PPDPFL: variants seen among roughly 807,000 people sequenced by gnomAD.
PPDPFL encodes the protein pancreatic progenitor cell differentiation and proliferation factor like, also known as pancreatic progenitor cell differentiation and proliferation factor-like protein.
PPDPFL carries 12 observed loss-of-function variants against 12.6 expected under a neutral mutation model. The observed-to-expected ratio is 0.95, with a 90% CI of 0.61 to 1.54. The LOEUF (loss-of-function observed/expected upper bound fraction) is 1.54, where lower values mean the gene tolerates loss of function less well. PPDPFL is among the 40% of genes most tolerant of loss of function. The probability of loss-of-function intolerance (pLI) is 0.00; values close to 1 mark genes in which losing one functional copy is unlikely to be tolerated. For synonymous variants in PPDPFL, 24 were observed against 32.7 expected (o/e 0.73, Z 0.91); for missense variants, 114 against 96.0 (o/e 1.19, Z -0.78).
chr8:49,067,303 A>T (rs775998564), intron 1 of PPDPFL, among the ~76,000 whole-genome samples: 1 of 152,234 alleles, frequency 6.6e-6, no homozygotes, highest in Non-Finnish European at 1.5e-5. Context: ...TTTATAGAGT[A>T]CATGCTACAC....
chr8:49,059,673 A>G (rs567691273), intron 1 of PPDPFL, among the ~76,000 whole-genome samples: 20 of 152,210 alleles, frequency 1.3e-4, no homozygotes, highest in Non-Finnish European at 2.6e-4. Context: ...ATATATAGTA[A>G]TAATACTTTA....
rs1808197195 is a variant in PPDPFL, at chr8:49,061,234, T to A, written c.-45+6865T>A. Among the ~76,000 whole-genome samples the A allele has an allele frequency of 2.0e-5, 3 of 152,274 alleles. No individual in the cohort carries two copies. In the South Asian group the frequency reaches 6.2e-4, roughly 32 times the overall value. ...TTTTAAAGAGGTAATTACATTAAAA[T>A]GAGCTTATTAGGGTGGGCTCCAATG... On this transcript the variant is annotated intron_variant, in intron 1 of 4. Transcript: ENST00000517663.
chr8:49,073,387 G>A (rs965655754), intron 2 of PPDPFL, among the ~76,000 whole-genome samples: 1 of 152,128 alleles, frequency 6.6e-6, no homozygotes, highest in Admixed American at 6.5e-5. Context: ...AGAGAAGATT[G>A]AGAAATTTCA....
At chr8:49,068,777 T>A (rs529791239), upstream of PPDPFL, among the ~76,000 whole-genome samples, 49 of 152,298 alleles carry the variant, frequency 3.2e-4, no homozygotes, top group Admixed American at 2.2e-3. Context: ...ATAAATTAAC[T>A]AAATTTACAT....
At chr8:49,069,434 G>A (rs572175458), upstream of PPDPFL, among the ~76,000 whole-genome samples, 10 of 152,304 alleles carry the variant, frequency 6.6e-5, no homozygotes, top group African/African-American at 2.2e-4. Flanking sequence ...ATTATCTCAT[G>A]ACAAGGCAGA....
chr8:49,059,415 A>C (rs539121069), intron 1 of PPDPFL, among the ~76,000 whole-genome samples: 129 of 152,320 alleles, frequency 8.5e-4, no homozygotes, highest in African/African-American at 3.0e-3. Flanking sequence ...ACTTATACAC[A>C]TTCACCAATA....
intron 1 of PPDPFL, among the ~76,000 whole-genome samples, chr8:49,059,229 TTGTGGTGTGGTGTGG>T (rs1294901901): frequency 6.6e-6 from 1 of 152,024 alleles, no homozygotes; most frequent in African/African-American, 2.4e-5. Context: ...ATGTGGTGTG[TTGTGGTGTGGTGTGG>T]TGTGGGGTTG....
chr8:49,057,256 A>G (rs1808124940), intron 1 of PPDPFL, among the ~76,000 whole-genome samples: 3 of 152,178 alleles, frequency 2.0e-5, no homozygotes, highest in African/African-American at 4.8e-5. Flanking sequence ...TGAAATATTT[A>G]TCAACATTTT....
At chr8:49,059,607 A>G (rs1808164666) in intron 1 of PPDPFL, among the ~76,000 whole-genome samples, 4 of 152,212 alleles carry the variant, frequency 2.6e-5, no homozygotes, top group Admixed American at 2.6e-4. Flanking sequence ...CTCTGTAATT[A>G]CCTAAAATTC....
chr8:49,067,398 T>G (rs1808316177), upstream of PPDPFL, among the ~76,000 whole-genome samples: 1 of 152,230 alleles, frequency 6.6e-6, no homozygotes, highest in African/African-American at 2.4e-5. Context: ...CATGACACAC[T>G]TAAAATTCTT....
At chr8:49,060,159 C>G (rs112048259) in intron 1 of PPDPFL, among the ~76,000 whole-genome samples, 10 of 152,122 alleles carry the variant, frequency 6.6e-5, no homozygotes, top group Non-Finnish European at 1.5e-4. Flanking sequence ...GTGTAGGTCT[C>G]AGATTTCAAA....
chr8:49,074,502 C>T (rs755453216), intron 4 of PPDPFL, 169 bp downstream of exon 4: 10 of 1,538,150 alleles, frequency 6.5e-6, no homozygotes, highest in Admixed American at 2.0e-5. Context: ...AGAGCTCCCT[C>T]CTTGCAGGTC....
chr8:49,073,237 T>C (rs1808425091), intron 2 of PPDPFL, among the ~76,000 whole-genome samples: 1 of 152,236 alleles, frequency 6.6e-6, no homozygotes, highest in Non-Finnish European at 1.5e-5. Context: ...AAAGAAAAGA[T>C]AGCATGACTT....
rs1808484266 is a variant in PPDPFL, at chr8:49,075,603, T to G, written c.*430T>G. ...TTAAAAAAACTTAAGTTAGACTCTT[T>G]TTCTGTCTGTTGAGTGATTTATTTA... On this transcript the variant is annotated 3_prime_UTR_variant, in exon 5 of 5. Coordinates refer to ENST00000522267, the MANE Select transcript of PPDPFL (RefSeq NM_001256597.2). 1 of 276,810 alleles carries G rather than the reference T, an allele frequency of 3.6e-6. No individual in the cohort carries two copies. Among genetic ancestry groups the G allele is most frequent in the East Asian group, 7.5e-5 (1 of 13,298 alleles). 17.1% of individuals were successfully genotyped at this position (276,810 alleles called of 1,614,324 possible). A position where few individuals can be genotyped will look rare whatever the true frequency, so the allele number is the denominator to read the frequency against.
intron 1 of PPDPFL, among the ~76,000 whole-genome samples, chr8:49,064,870 A>G (rs541644083): frequency 6.6e-6 from 1 of 152,336 alleles, no homozygotes; most frequent in East Asian, 1.9e-4. Flanking sequence ...TCGATCTGAC[A>G]TGAAAAGCAA....
intron 1 of PPDPFL, among the ~76,000 whole-genome samples, chr8:49,064,289 C>T (rs984781799): frequency 6.6e-6 from 1 of 152,086 alleles, no homozygotes; most frequent in Admixed American, 6.5e-5. Flanking sequence ...AGATATGGGT[C>T]GGTCCTCTGG....
intron 4 of PPDPFL, 196 bp downstream of exon 4, chr8:49,074,529 T>C (rs1448128376): frequency 2.0e-6 from 3 of 1,537,212 alleles, no homozygotes; most frequent in South Asian, 2.4e-5. Context: ...AGGAAGATCA[T>C]AGCACCCTTT....
chr8:49,061,384 TCTC>T (rs1808199833), intron 1 of PPDPFL, among the ~76,000 whole-genome samples: 3 of 152,042 alleles, frequency 2.0e-5, no homozygotes, highest in Admixed American at 1.3e-4. Context: ...ATCTAGGACT[TCTC>T]CTTCCAGAAC....
At chr8:49,073,542 A>AC (rs755899804) in intron 2 of PPDPFL, among the ~76,000 whole-genome samples, 6 of 152,324 alleles carry the variant, frequency 3.9e-5, no homozygotes, top group Non-Finnish European at 8.8e-5. Flanking sequence ...ACAAAAGTTT[A>AC]CGCTCATTTA....
Sources: allele counts gnomAD v4.1 joint callset (sites outside exome capture counted in the v4.1 genomes callset), GRCh38; gene constraint gnomAD v4.1.1; transcripts MANE v1.5; gene names NCBI Gene and HGNC (gene_info 2026-07-23, HGNC 2026-07-21).